The following FOLR2 variants were observed in gnomAD, a reference collection of about 807,000 sequenced individuals.
FOLR2 encodes the protein folate receptor beta, also known as folate receptor 2 (fetal).
FOLR2 carries 14 observed loss-of-function variants against 20.4 expected under a neutral mutation model. That is an observed-to-expected ratio of 0.68 (90% CI 0.45 to 1.07). FOLR2 has a LOEUF of 1.07. Among genes scored for constraint, FOLR2 ranks in the 50% least tolerant of loss-of-function variants. FOLR2 has a pLI of 0.00. For missense variants in FOLR2, 269 were observed against 322.6 expected, an observed-to-expected ratio of 0.83 and a Z score of 1.27; for synonymous variants, 114 against 114.3, an observed-to-expected ratio of 1.00 and a Z score of 0.02.
At chr11:72,221,344 G>A (rs1269167253) in intron 4 of FOLR2, 33 bp downstream of exon 4, 2 of 1,608,208 alleles carry the variant, frequency 1.2e-6, no homozygotes, top group African/African-American at 1.3e-5. Context: ...TAGGAAAAAG[G>A]AGATTGAGGT....
At position 72,221,934 on chromosome 11, in the gene FOLR2, G is replaced by GT. The variant is rs1948504230; in HGVS notation, c.*176dup. 3 of 629,060 alleles carry GT rather than the reference G, an allele frequency of 4.8e-6. No homozygotes were observed. The highest frequency in any genetic ancestry group is 8.2e-6 in the Non-Finnish European group (3 of 366,518). 39.0% of individuals were successfully genotyped at this position (629,060 alleles called of 1,614,324 possible). Reference sequence around the variant, plus strand: ...AAGAGTCACTTCTAATAAACAGACTGTTTTCTAATAATTCCATGTCTGTGG... The same window carrying GT: ...AAGAGTCACTTCTAATAAACAGACTGTTTTTCTAATAATTCCATGTCTGTGG... On this transcript the variant is annotated 3_prime_UTR_variant, in exon 5 of 5. Transcript: ENST00000298223.
rs770772668 is a variant in FOLR2 at position 72,216,895 on chromosome 11, G to A, written c.-55G>A. The A allele has an allele frequency of 2.2e-5, 35 of 1,599,432 alleles. No homozygotes were observed. Among genetic ancestry groups the A allele is most frequent in the Non-Finnish European group, 2.6e-5 (31 of 1,179,808 alleles). On this transcript the variant is annotated 5_prime_UTR_variant, in exon 1 of 5. It adds an upstream start codon to the 5' untranslated region. Coordinates refer to ENST00000298223, the MANE Select transcript of FOLR2 (RefSeq NM_000803.5). ...GAGAGAGGCCAACTCAGACACAGCC[G>A]TGTATGCTCCCAGCAGCAACGGAGG... is the stretch of plus-strand genomic sequence containing the variant.
intron 1 of FOLR2, among the ~76,000 whole-genome samples, chr11:72,217,642 T>C (rs1948413745): frequency 6.6e-6 from 1 of 152,192 alleles, no homozygotes; most frequent in Non-Finnish European, 1.5e-5. Flanking sequence ...AACTTTCATG[T>C]TGTCTCTCAG....
chr11:72,216,842 C>G lies in FOLR2; in HGVS notation c.-108C>G. 1 of 1,581,596 alleles carries G rather than the reference C, an allele frequency of 6.3e-7. No individual in the cohort carries two copies. The highest frequency in any genetic ancestry group is 8.6e-7 in the Non-Finnish European group (1 of 1,163,820). On this transcript the variant is annotated 5_prime_UTR_variant, in exon 1 of 5. Transcript: ENST00000298223. ...CGAAGACAGAGGCTGTGGGGACAGC[C>G]TAGGGGCCTGGATCTATTGCCTACT...
chr11:72,220,802 G>A (rs1948471504), intron 2 of FOLR2, 68 bp from the exon 3 acceptor site: 1 of 1,591,856 alleles, frequency 6.3e-7, no homozygotes, highest in East Asian at 2.3e-5. Context: ...CCAAATGGGG[G>A]AGAGACACGA....
Position 72,221,945 on chromosome 11 carries a change from A to C in FOLR2, c.*183A>C. The C allele has an allele frequency of 1.6e-6, 1 of 611,868 alleles. No individual in the cohort carries two copies. Among genetic ancestry groups the C allele is most frequent in the Non-Finnish European group, 2.8e-6 (1 of 353,814 alleles). 37.9% of individuals were successfully genotyped at this position (611,868 alleles called of 1,614,324 possible). A position where few individuals can be genotyped will look rare whatever the true frequency, so the allele number is the denominator to read the frequency against. Reference sequence around the variant, plus strand: ...CTAATAAACAGACTGTTTTCTAATAATTCCATGTCTGTGGAATTGTTTTGG... The same window carrying C: ...CTAATAAACAGACTGTTTTCTAATACTTCCATGTCTGTGGAATTGTTTTGG... On this transcript the variant is annotated 3_prime_UTR_variant, in exon 5 of 5. Coordinates refer to ENST00000298223, the MANE Select transcript of FOLR2 (RefSeq NM_000803.5).
chr11:72,217,067 C>T (rs1948402100), intron 1 of FOLR2, 142 bp downstream of exon 1: 2 of 978,120 alleles, frequency 2.0e-6, no homozygotes, highest in Admixed American at 2.1e-5. Flanking sequence ...CTCTGTCACC[C>T]AGGCTGGAGT....
At position 72,221,552 on chromosome 11, in the gene FOLR2, CT is replaced by C; in HGVS notation, c.559del (p.Trp187GlyfsTer43). On this transcript the variant is annotated frameshift_variant, in exon 5 of 5. Coordinates refer to ENST00000298223, the MANE Select transcript of FOLR2 (RefSeq NM_000803.5). LOFTEE classifies it low-confidence loss of function (END_TRUNC). ...CTCCAGCTGCCCTTTGTGAAGGCCT[CT>C]GGAGTCACTCATACAAGGTCAGCAA... ...PTPAALCEGL[W>X]SHSYKVSNYS... is the part of the protein sequence containing the mutation. 6.2e-7 allele frequency: 1 copy of C among 1,614,112 alleles called. No individual in the cohort carries two copies. Among genetic ancestry groups the C allele is most frequent in the South Asian group, 1.1e-5 (1 of 91,080 alleles).
At chr11:72,217,404 A>G (rs776456799) in intron 1 of FOLR2, 1 of 1,288,230 alleles carries the variant, frequency 7.8e-7, no homozygotes, top group South Asian at 1.2e-5. Context: ...GGAAGACTTG[A>G]CACTAAACAT....
At chr11:72,218,026 A>G (rs944386595) in intron 1 of FOLR2, among the ~76,000 whole-genome samples, 1 of 152,190 alleles carries the variant, frequency 6.6e-6, no homozygotes, top group Non-Finnish European at 1.5e-5. Flanking sequence ...CCATTTCCGT[A>G]TCATTTAACC....
At chr11:72,220,094 C>T (rs1245296626) in intron 2 of FOLR2, among the ~76,000 whole-genome samples, 3 of 152,146 alleles carry the variant, frequency 2.0e-5, no homozygotes, top group African/African-American at 4.8e-5. Flanking sequence ...AGACCTGCCT[C>T]GGCCTCCCAA....
chr11:72,218,790 A>G, intron 2 of FOLR2, 56 bp downstream of exon 2: 13 of 1,481,832 alleles, frequency 8.8e-6, no homozygotes, highest in Non-Finnish European at 1.1e-5. Flanking sequence ...AGGGAGGAGA[A>G]AGTCAGGATG....
At chr11:72,217,387 G>A in intron 1 of FOLR2, 1 of 1,288,954 alleles carries the variant, frequency 7.8e-7, no homozygotes, top group Non-Finnish European at 1.0e-6. Context: ...GGAAGAAATT[G>A]GAAGAGGGAA....
intron 1 of FOLR2, among the ~76,000 whole-genome samples, chr11:72,218,204 TTA>T (rs1476829981): frequency 6.6e-6 from 1 of 152,124 alleles, no homozygotes; most frequent in South Asian, 2.1e-4. Context: ...GGTGAAGACA[TTA>T]TGTGTCCCTG....
chr11:72,216,978 A>G, intron 1 of FOLR2, 53 bp downstream of exon 1: 1 of 1,565,292 alleles, frequency 6.4e-7, no homozygotes, highest in South Asian at 1.1e-5. Context: ...AGACTTGGAG[A>G]GTTTGTGCAG....
At chr11:72,221,113 T>G in intron 3 of FOLR2, 55 bp downstream of exon 3, 1 of 1,244,826 alleles carries the variant, frequency 8.0e-7, no homozygotes, top group Non-Finnish European at 1.0e-6. Flanking sequence ...CTCAGTCACT[T>G]CAAGGCGATG....
At chr11:72,218,527 C>T (rs1279518925) in intron 1 of FOLR2, 34 bp from the exon 2 acceptor site, 6 of 1,582,882 alleles carry the variant, frequency 3.8e-6, no homozygotes, top group Non-Finnish European at 5.2e-6. Context: ...AGCTTGGAGC[C>T]CTTTCCCCTC....
chr11:72,217,852 C>T (rs1948417193), intron 1 of FOLR2, among the ~76,000 whole-genome samples: 2 of 152,034 alleles, frequency 1.3e-5, no homozygotes, highest in South Asian at 4.2e-4. Flanking sequence ...TGCCCCACCC[C>T]CAGTCTATAT....
chr11:72,220,874 G>A lies in FOLR2; in HGVS notation c.155G>A (p.Ser52Asn). The change falls in exon 3 of 5, where the codon AGT (serine) becomes AAT (asparagine). Residue 52 changes from serine to asparagine, a missense_variant. Physicochemically the swap from Ser to Asn is conservative, Grantham distance 46. Coordinates refer to ENST00000298223, the MANE Select transcript of FOLR2 (RefSeq NM_000803.5). ...TCCTGTGTCTTCCCCACCCAGTGCA[G>A]TCCCTGGAAGAAGAATGCCTGCTGC... ...GPEDKLHDQC[S>N]PWKKNACCTA... 1 of 1,613,958 alleles carries A rather than the reference G, an allele frequency of 6.2e-7. No individual in the cohort carries two copies. The highest frequency in any genetic ancestry group is 1.7e-5 in the Admixed American group (1 of 60,028).
Sources: allele counts gnomAD v4.1 joint callset (sites outside exome capture counted in the v4.1 genomes callset), GRCh38; gene constraint gnomAD v4.1.1; transcripts MANE v1.5; gene names NCBI Gene and HGNC (gene_info 2026-07-23, HGNC 2026-07-21).